Variants in PSD3 observed in about 807,000 individuals in gnomAD.
The protein encoded by PSD3 is pleckstrin and Sec7 domain containing 3.
A neutral mutation model predicts 105.5 loss-of-function variants in PSD3; 49 were observed. The ratio of observed to expected loss-of-function variants is 0.46; its 90% CI spans 0.37 to 0.59. The LOEUF (loss-of-function observed/expected upper bound fraction) is 0.59, where lower values mean the gene tolerates loss of function less well. PSD3 is among the 20% of genes least tolerant of loss of function. The probability of loss-of-function intolerance (pLI) is 0.00; values close to 1 mark genes in which losing one functional copy is unlikely to be tolerated. For synonymous variants in PSD3, 557 were observed against 457.8 expected (o/e 1.22, Z -2.77); for missense variants, 1,561 against 1,263.8 (o/e 1.24, Z -3.57).
At chr8:18,770,029 G>C (rs1807366255) in intron 8 of PSD3, among the ~76,000 whole-genome samples, 1 of 152,106 alleles carries the variant, frequency 6.6e-6, no homozygotes, top group African/African-American at 2.4e-5. Flanking sequence ...TGGTAATCTT[G>C]TTTATTCATT....
chr8:18,785,700 TTA>T lies in PSD3; in HGVS notation c.2082+13593_2082+13594del, dbSNP rs956764463. Among the ~76,000 whole-genome samples the T allele has an allele frequency of 3.1e-3, 469 of 152,324 alleles. 4 individuals are homozygous for T. Among genetic ancestry groups the T allele is most frequent in the African/African-American group, 0.01 (421 of 41,568 alleles). ...CTGGCCTATCTCAGCCTCACTAAACTTAATCATTTCTAGGTTTTGATTCAAAG... is the reference window on the plus strand; with the variant it reads ...CTGGCCTATCTCAGCCTCACTAAACTATCATTTCTAGGTTTTGATTCAAAG... On this transcript the variant is annotated intron_variant, in intron 8 of 15. Coordinates refer to ENST00000327040, the MANE Select transcript of PSD3 (RefSeq NM_015310.4).
chr8:18,702,588 T>G (rs564601214), intron 9 of PSD3, among the ~76,000 whole-genome samples: 2 of 152,236 alleles, frequency 1.3e-5, no homozygotes, highest in South Asian at 4.1e-4. Context: ...ACAATTTTTC[T>G]CTTCTAGCTA....
intron 1 of PSD3, among the ~76,000 whole-genome samples, chr8:18,976,025 AAAT>A (rs1824927589): frequency 6.6e-6 from 1 of 152,196 alleles, no homozygotes; most frequent in African/African-American, 2.4e-5. Flanking sequence ...TTTCCAGAGA[AAAT>A]AATAAATGGA....
intron 9 of PSD3, among the ~76,000 whole-genome samples, chr8:18,752,568 T>TATATA (rs1554489514): frequency 0.034 from 991 of 28,832 alleles, 44 homozygotes; most frequent in African/African-American, 0.11. Flanking sequence ...ATATATATTA[T>TATATA]ATATATAATT....
At chr8:18,810,880 C>T (rs142762193) in intron 4 of PSD3, among the ~76,000 whole-genome samples, 102 of 152,332 alleles carry the variant, frequency 6.7e-4, no homozygotes, top group African/African-American at 1.6e-3. Context: ...CGGGTACAAA[C>T]GCACAGCTTC....
intron 15 of PSD3, among the ~76,000 whole-genome samples, chr8:18,552,723 G>A (rs552873732): frequency 6.6e-6 from 1 of 152,232 alleles, no homozygotes; most frequent in African/African-American, 2.4e-5. Flanking sequence ...CTTGAAATTG[G>A]GAAATGATGG....
At chr8:18,687,530 T>C (rs1425448366) in intron 9 of PSD3, among the ~76,000 whole-genome samples, 1 of 151,822 alleles carries the variant, frequency 6.6e-6, no homozygotes, top group Non-Finnish European at 1.5e-5. Context: ...TACGAAATGA[T>C]TTCCCCCCTA....
At chr8:18,776,359 T>G (rs1485357596) in intron 8 of PSD3, among the ~76,000 whole-genome samples, 1 of 143,752 alleles carries the variant, frequency 7.0e-6, no homozygotes, top group Non-Finnish European at 1.5e-5. Context: ...AAAATATATA[T>G]ATCTAAATAT....
intron 10 of PSD3, among the ~76,000 whole-genome samples, chr8:18,655,057 C>T (rs937095055): frequency 6.6e-6 from 1 of 152,062 alleles, no homozygotes; most frequent in Non-Finnish European, 1.5e-5. Flanking sequence ...GGCGTGGTCG[C>T]TCACTCCTGT....
chr8:18,847,645 A>T (rs1183039743), intron 4 of PSD3, among the ~76,000 whole-genome samples: 1 of 152,216 alleles, frequency 6.6e-6, no homozygotes, highest in Non-Finnish European at 1.5e-5. Flanking sequence ...GAATTATTTA[A>T]CCAAATCTAA....
At chr8:18,820,912 G>C (rs1215677495) in intron 4 of PSD3, among the ~76,000 whole-genome samples, 1 of 152,030 alleles carries the variant, frequency 6.6e-6, no homozygotes. Context: ...ACAATGCTCA[G>C]CTAATTTTTA....
intron 1 of PSD3, chr8:18,940,590 G>A (rs972456867): frequency 6.6e-6 from 1 of 152,164 alleles, no homozygotes; most frequent in African/African-American, 2.4e-5. Context: ...CATTTGTGTG[G>A]AGGCTAAAGT....
chr8:18,985,830 T>C (rs763411789), intron 1 of PSD3, among the ~76,000 whole-genome samples: 4 of 152,226 alleles, frequency 2.6e-5, no homozygotes, highest in Non-Finnish European at 5.9e-5. Context: ...GCCAAATAAA[T>C]ATTTCCTATT....
intron 4 of PSD3, among the ~76,000 whole-genome samples, chr8:18,866,859 C>T (rs1232139197): frequency 6.7e-6 from 1 of 150,258 alleles, no homozygotes; most frequent in Non-Finnish European, 1.5e-5. Context: ...CACCATTTAA[C>T]ACCTCCCACC....
chr8:18,632,494 A>G (rs1314066728), intron 11 of PSD3, 119 bp downstream of exon 11: 27 of 1,107,524 alleles, frequency 2.4e-5, no homozygotes, highest in Admixed American at 1.1e-4. Flanking sequence ...TCCAATTTCA[A>G]GAATGTGTCT....
At chr8:18,901,956 A>G (rs991034071) in intron 2 of PSD3, among the ~76,000 whole-genome samples, 1 of 151,966 alleles carries the variant, frequency 6.6e-6, no homozygotes, top group Non-Finnish European at 1.5e-5. Context: ...TGTTTTTAGA[A>G]TTTCCTCTTT....
chr8:18,637,635 C>T (rs146338882), intron 10 of PSD3, among the ~76,000 whole-genome samples: 1 of 152,182 alleles, frequency 6.6e-6, no homozygotes, highest in Non-Finnish European at 1.5e-5. Flanking sequence ...TTGTAAAGTA[C>T]CATTTCATTT....
At chr8:18,575,395 A>AT (rs1446785229) in intron 12 of PSD3, 110 bp from the exon 13 acceptor site, 1 of 986,162 alleles carries the variant, frequency 1.0e-6, no homozygotes, top group Non-Finnish European at 1.4e-6. Flanking sequence ...AAGTAAGTGA[A>AT]TGAAAAAAAT....
chr8:18,869,225 T>C (rs1026771747), intron 3 of PSD3, among the ~76,000 whole-genome samples: 4 of 141,586 alleles, frequency 2.8e-5, no homozygotes, highest in Non-Finnish European at 6.0e-5. Flanking sequence ...AGTCTAACTC[T>C]ATCACCTAGG....
Sources: allele counts gnomAD v4.1 joint callset (sites outside exome capture counted in the v4.1 genomes callset), GRCh38; gene constraint gnomAD v4.1.1; transcripts MANE v1.5; gene names NCBI Gene and HGNC (gene_info 2026-07-23, HGNC 2026-07-21).